PCDHGB5: variants seen among roughly 807,000 people sequenced by gnomAD.
PCDHGB5 encodes the protein protocadherin gamma subfamily B, 5, also known as protocadherin gamma-B5.
PCDHGB5 carries 48 observed loss-of-function variants against 62.9 expected under a neutral mutation model. That is an observed-to-expected ratio of 0.76 (90% CI 0.61 to 0.97). The LOEUF is 0.97. Ranked by LOEUF, PCDHGB5 falls within the 50% of genes least tolerant of loss-of-function variation. The pLI is 0.00. For missense variants in PCDHGB5, 1,118 were observed against 1,198.6 expected (o/e 0.93, Z 0.99); for synonymous variants, 474 against 511.2 (o/e 0.93, Z 0.98).
chr5:141,404,995 T>G (rs1561697585), intron 1 of PCDHGB5: 1 of 1,614,008 alleles, frequency 6.2e-7, no homozygotes, highest in Non-Finnish European at 8.5e-7. Flanking sequence ...TTCAGATCCC[T>G]GCAGACCTGG....
At chr5:141,415,083 G>A (rs747351388) in intron 1 of PCDHGB5, 4 of 1,613,514 alleles carry the variant, frequency 2.5e-6, no homozygotes, top group Non-Finnish European at 3.4e-6. Context: ...CGCGAGCCCT[G>A]CTGGACAGAG....
Position 141,493,359 on chromosome 5 carries a change from G to A in PCDHGB5, c.2398-1448G>A, listed in dbSNP as rs956980110. Among the ~76,000 whole-genome samples the A allele has an allele frequency of 2.6e-5, 4 of 152,148 alleles. No homozygotes were observed. The highest frequency in any genetic ancestry group is 9.7e-5 in the African/African-American group (4 of 41,418). ...CCAGAATGTGTGCTTTTAATTTCTT[G>A]GCACTTGGAACTTTAAAAGCTTGAG... On this transcript the variant is annotated intron_variant, in intron 1 of 3. Transcript: ENST00000617380. This position sits in a 1 kb window ranked among gnomAD's most constrained non-coding sequence, Gnocchi z 4.3.
Position 141,489,465 on chromosome 5 carries a change from T to C in PCDHGB5, c.2398-5342T>C. On this transcript the variant is annotated intron_variant, in intron 1 of 3. Transcript: ENST00000617380. The surrounding 1 kb of genome is among the most constrained non-coding windows in gnomAD (Gnocchi z 4.5). The stretch of plus-strand genomic sequence containing the variant: ...GCTCTGAGGAGAATGGGCGCTATTT[T>C]TCCCTGAGCTTGATGAGTGGTGCCC... The C allele has an allele frequency of 1.2e-6, 2 of 1,614,082 alleles. No homozygotes were observed. The highest frequency in any genetic ancestry group is 1.3e-5 in the African/African-American group (1 of 75,042).
chr5:141,511,342 C>T lies in PCDHGB5; in HGVS notation c.*169C>T. On this transcript the variant is annotated 3_prime_UTR_variant, in exon 4 of 4. Transcript: ENST00000617380. The stretch of plus-strand genomic sequence containing the variant: ...AACAAGTGCCCAGTCAGCACCTACC[C>T]CTTCCCCCCCAGGGGGTTGAATATG... The T allele has an allele frequency of 7.0e-7, 1 of 1,425,078 alleles. No individual in the cohort carries two copies. Among genetic ancestry groups the T allele is most frequent in the East Asian group, 2.5e-5 (1 of 40,014 alleles). 88.3% of individuals were successfully genotyped at this position (1,425,078 alleles called of 1,614,324 possible). A position where few individuals can be genotyped will look rare whatever the true frequency, so the allele number is the denominator to read the frequency against.
At chr5:141,451,653 G>A (rs1440576814) in intron 1 of PCDHGB5, among the ~76,000 whole-genome samples, 2 of 152,166 alleles carry the variant, frequency 1.3e-5, no homozygotes, top group Non-Finnish European at 2.9e-5. Context: ...AGGCCAAGGA[G>A]GGTGGACTGC....
chr5:141,502,457 A>G lies in PCDHGB5; in HGVS notation c.2457-2936A>G, dbSNP rs950959171. 6.6e-5 allele frequency among the ~76,000 whole-genome samples: 10 copies of G among 151,926 alleles called. No individual in the cohort carries two copies. The South Asian group carries it at 1.7e-3, about 25-fold the overall frequency. On this transcript the variant is annotated intron_variant, in intron 2 of 3. Coordinates refer to ENST00000617380, the MANE Select transcript of PCDHGB5 (RefSeq NM_018925.3). The stretch of plus-strand genomic sequence containing the variant: ...TTAGATTCAGATTACACACCTTGGT[A>G]GGAATACTTCCCGCAGCATCACACT...
intron 1 of PCDHGB5, among the ~76,000 whole-genome samples, chr5:141,452,353 AG>A (rs556616398): frequency 5.9e-5 from 9 of 152,206 alleles, no homozygotes; most frequent in Non-Finnish European, 1.3e-4. Context: ...TTTATCCAAA[AG>A]CCTTGCTTCA....
Position 141,475,971 on chromosome 5 carries a change from C to G in PCDHGB5, c.2398-18836C>G, listed in dbSNP as rs750016455. On this transcript the variant is annotated intron_variant, in intron 1 of 3. Coordinates refer to ENST00000617380, the MANE Select transcript of PCDHGB5 (RefSeq NM_018925.3). The stretch of plus-strand genomic sequence containing the variant: ...TCTGCGCCCCGGGATGAGGCAGAGA[C>G]TGAACAGCCGGCGAGCAAATCAACG... 2.5e-5 allele frequency: 24 copies of G among 954,292 alleles called. No individual in the cohort carries two copies. In the African/African-American group the frequency reaches 3.4e-4, roughly 14 times the overall value. 59.1% of individuals were successfully genotyped at this position (954,292 alleles called of 1,614,324 possible). A position where few individuals can be genotyped will look rare whatever the true frequency, so the allele number is the denominator to read the frequency against.
chr5:141,417,709 C>T lies in PCDHGB5; in HGVS notation c.2397+17185C>T, dbSNP rs533902963. 1.5e-5 allele frequency: 18 copies of T among 1,238,872 alleles called. No individual in the cohort carries two copies. The East Asian group carries it at 1.8e-4, about 12-fold the overall frequency. 76.7% of individuals were successfully genotyped at this position (1,238,872 alleles called of 1,614,324 possible). ...AAGAAAACCAGCTCCCACACAGAGG[C>T]TCCCGGCTGCGCAGACCTTGCCCAG... On this transcript the variant is annotated intron_variant, in intron 1 of 3. Coordinates refer to ENST00000617380, the MANE Select transcript of PCDHGB5 (RefSeq NM_018925.3).
chr5:141,474,093 C>G (rs2099341169), intron 1 of PCDHGB5, among the ~76,000 whole-genome samples: 1 of 152,098 alleles, frequency 6.6e-6, no homozygotes, highest in African/African-American at 2.4e-5. Flanking sequence ...AAAAAACAAA[C>G]AACAACAAAA....
At position 141,489,358 on chromosome 5, in the gene PCDHGB5, G is replaced by A; in HGVS notation, c.2398-5449G>A. On this transcript the variant is annotated intron_variant, in intron 1 of 3. Transcript: ENST00000617380. This position sits in a 1 kb window ranked among gnomAD's most constrained non-coding sequence, Gnocchi z 4.5. ...TCGTTACTCAGTGGTGGAGGAGTCT[G>A]AGCCGGGGACGCTGGTGGGGAATGT... 1 of 1,613,144 alleles carries A rather than the reference G, an allele frequency of 6.2e-7. No individual in the cohort carries two copies. The highest frequency in any genetic ancestry group is 8.5e-7 in the Non-Finnish European group (1 of 1,179,278).
chr5:141,478,387 C>T, intron 1 of PCDHGB5: 1 of 1,613,642 alleles, frequency 6.2e-7, no homozygotes, highest in Non-Finnish European at 8.5e-7. Context: ...CGCACCTTTA[C>T]CATCAGGTGT....
In PCDHGB5 at chr5:141,511,540, C is replaced by CTA; in HGVS notation, c.*367_*368insTA. ...ATCCCATGCCTCCCTCCTCCCCACC[C>CTA]CACTCCAACAGTTCCTCTTTCCCGA... On this transcript the variant is annotated 3_prime_UTR_variant, in exon 4 of 4. Transcript: ENST00000617380. 3.0e-6 allele frequency: 1 copy of CTA among 328,024 alleles called. No individual in the cohort carries two copies. Among genetic ancestry groups the CTA allele is most frequent in the South Asian group, 3.2e-5 (1 of 31,610 alleles). 20.3% of individuals were successfully genotyped at this position (328,024 alleles called of 1,614,324 possible). A position where few individuals can be genotyped will look rare whatever the true frequency, so the allele number is the denominator to read the frequency against.
intron 1 of PCDHGB5, chr5:141,410,291 G>A: frequency 1.2e-6 from 2 of 1,613,948 alleles, no homozygotes; most frequent in Non-Finnish European, 1.7e-6. Flanking sequence ...GGTGGCCTTG[G>A]CCTTAATCTC....
chr5:141,423,006 T>A, intron 1 of PCDHGB5: 2 of 1,614,198 alleles, frequency 1.2e-6, no homozygotes, highest in Non-Finnish European at 1.7e-6. Context: ...CCAAGGTGGT[T>A]GCGGTGGACA....
chr5:141,423,323 C>A (rs200492485), intron 1 of PCDHGB5: 91 of 1,614,146 alleles, frequency 5.6e-5, no homozygotes, highest in Non-Finnish European at 4.2e-6. Flanking sequence ...GTGGCGGTGG[C>A]CGCAGTCTCC....
At chr5:141,460,459 T>A (rs2098989808) in intron 1 of PCDHGB5, among the ~76,000 whole-genome samples, 1 of 152,176 alleles carries the variant, frequency 6.6e-6, no homozygotes, top group South Asian at 2.1e-4. Flanking sequence ...ATTCATATTT[T>A]TTTCCAAAGG....
chr5:141,454,172 C>T (rs1001368287), intron 1 of PCDHGB5, among the ~76,000 whole-genome samples: 4 of 152,126 alleles, frequency 2.6e-5, no homozygotes, highest in Non-Finnish European at 5.9e-5. Context: ...TCTAGAAGGG[C>T]AGCTAAAGGA....
In PCDHGB5 at chr5:141,461,259, T is replaced by C. The variant is rs114101293; in HGVS notation, c.2398-33548T>C. Among the ~76,000 whole-genome samples the C allele has an allele frequency of 4.2e-3, 640 of 152,290 alleles. 5 individuals are homozygous for C. The highest frequency in any genetic ancestry group is 0.015 in the African/African-American group (623 of 41,554). On this transcript the variant is annotated intron_variant, in intron 1 of 3. Coordinates refer to ENST00000617380, the MANE Select transcript of PCDHGB5 (RefSeq NM_018925.3). ...TACTAATTTATATTCCCAGCAGCAA[T>C]GTGTAAGTGTTCTCTTTTCCCCACA...
Sources: gnomAD v4.1 joint callset for allele counts (sites outside exome capture counted in the v4.1 genomes callset) on GRCh38, gnomAD v4.1.1 for gene constraint, Gnocchi (gnomAD v3.1) non-coding constraint, MANE v1.5 for transcripts, NCBI Gene and HGNC (gene_info 2026-07-23, HGNC 2026-07-21) for gene names.